NUP210: variants seen among roughly 807,000 people sequenced by gnomAD.
NUP210 encodes nucleoporin 210.
NUP210 carries 151 observed loss-of-function variants against 196.0 expected under a neutral mutation model. The ratio of observed to expected loss-of-function variants is 0.77; its 90% CI spans 0.67 to 0.88. The LOEUF is 0.88. NUP210 is among the 40% of genes least tolerant of loss of function. The pLI is 0.00. For synonymous variants in NUP210, 1,070 were observed against 1,052.7 expected, an observed-to-expected ratio of 1.02 and a Z score of -0.32; for missense variants, 2,314 against 2,493.7, an observed-to-expected ratio of 0.93 and a Z score of 1.53.
At chr3:13,343,344 T>G in intron 20 of NUP210, 41 bp from the exon 21 acceptor site, 1 of 1,565,532 alleles carries the variant, frequency 6.4e-7, no homozygotes, top group Non-Finnish European at 8.8e-7. Flanking sequence ...GGTGGTGGGT[T>G]ACGCAGCTGC....
chr3:13,327,037 A>G (rs576136305), intron 32 of NUP210, among the ~76,000 whole-genome samples, 180 bp downstream of exon 32: 2 of 152,384 alleles, frequency 1.3e-5, no homozygotes, highest in Admixed American at 1.3e-4. Flanking sequence ...TTACTTGCAG[A>G]AAACAGGCAC....
At chr3:13,331,569 C>T (rs1007119126) in intron 29 of NUP210, among the ~76,000 whole-genome samples, 6 of 152,178 alleles carry the variant, frequency 3.9e-5, no homozygotes, top group Non-Finnish European at 7.3e-5. Flanking sequence ...CTACACCTTG[C>T]TTTTTAATAG....
At chr3:13,406,511 CAG>C (rs937210773) in intron 1 of NUP210, among the ~76,000 whole-genome samples, 1 of 152,200 alleles carries the variant, frequency 6.6e-6, no homozygotes. Flanking sequence ...CAAGGACACA[CAG>C]GGGCTCACTA....
intron 29 of NUP210, 143 bp from the exon 30 acceptor site, chr3:13,330,777 G>A (rs565712799): frequency 1.8e-4 from 123 of 696,754 alleles, no homozygotes; most frequent in Non-Finnish European, 2.7e-4. Context: ...CGGACCTCAG[G>A]ACCACGTGCC....
intron 6 of NUP210, among the ~76,000 whole-genome samples, chr3:13,382,042 A>G (rs1033076122): frequency 6.6e-6 from 1 of 152,214 alleles, no homozygotes; most frequent in African/African-American, 2.4e-5. Context: ...AGTTCCTTCT[A>G]CAACTGAGTC....
intron 25 of NUP210, 105 bp downstream of exon 25, chr3:13,339,749 G>A: frequency 9.4e-7 from 1 of 1,062,130 alleles, no homozygotes; most frequent in Non-Finnish European, 1.4e-6. Flanking sequence ...GGGGGCAGAA[G>A]CAGCACCCTT....
rs1697403159 is a variant in NUP210 at position 13,340,086 on chromosome 3, G to A, written c.3292-53C>T. ...CAGTGCCCGTCATGCCAGGCAGCCC[G>A]CACCTCCCACTCAGAGAGCCAGGGC... is the stretch of plus-strand genomic sequence containing the variant. On this transcript the variant is annotated intron_variant, in intron 24 of 39. Coordinates refer to ENST00000254508, the MANE Select transcript of NUP210 (RefSeq NM_024923.4). The surrounding 1 kb of genome is among the most constrained non-coding windows in gnomAD (Gnocchi z 4.0). 1.9e-6 allele frequency: 3 copies of A among 1,603,234 alleles called. No homozygotes were observed. The highest frequency in any genetic ancestry group is 2.2e-5 in the East Asian group (1 of 44,630).
At position 13,319,267 on chromosome 3, in the gene NUP210, G is replaced by A. The variant is rs761020398; in HGVS notation, c.5442C>T (p.Leu1814=). The A allele has an allele frequency of 2.5e-6, 4 of 1,613,412 alleles. No individual in the cohort carries two copies. Among genetic ancestry groups the A allele is most frequent in the South Asian group, 1.1e-5 (1 of 90,844 alleles). The change falls in exon 38 of 40, where the codon CTC becomes CTT. Residue 1814 remains leucine (L), a synonymous_variant. Transcript: ENST00000254508. The part of the protein sequence containing the change: ...LDSYQVMFFT[L]FALLAGTAVM... ...CCGCTGTCCCAGCCAACAGGGCGAA[G>A]AGCGTGAAGAACATGACCTGGTAGG...
intron 22 of NUP210, 27 bp downstream of exon 22, chr3:13,341,969 C>T (rs1309986165): frequency 6.2e-7 from 1 of 1,613,650 alleles, no homozygotes; most frequent in Non-Finnish European, 8.5e-7. Flanking sequence ...TCTGAGGTGC[C>T]CTCCTCTGAC....
chr3:13,320,891 CAAA>C (rs35758403), intron 36 of NUP210, among the ~76,000 whole-genome samples: 4 of 126,962 alleles, frequency 3.2e-5, no homozygotes, highest in African/African-American at 5.9e-5. Context: ...GACTCCATCT[CAAA>C]AAAAAAAAAA....
chr3:13,358,246 C>A lies in NUP210; in HGVS notation c.2304G>T (p.Pro768=). 6.2e-7 allele frequency: 1 copy of A among 1,609,960 alleles called. No individual in the cohort carries two copies. Among genetic ancestry groups the A allele is most frequent in the African/African-American group, 1.3e-5 (1 of 74,934 alleles). Residue 768 remains proline (P), a synonymous_variant, in exon 16 of 40, where the codon CCG becomes CCT. Coordinates refer to ENST00000254508, the MANE Select transcript of NUP210 (RefSeq NM_024923.4). ...CCACCTGCTTGTTCTGCTGCAGCAG[C>A]GGACAGGACATGTCCAGCTGGGGGC... The part of the protein sequence containing the change: ...YTSPQLDMSC[P]LLQQNKQVVP...
chr3:13,415,646 C>T (rs192674233), intron 1 of NUP210, among the ~76,000 whole-genome samples: 50 of 152,286 alleles, frequency 3.3e-4, no homozygotes, highest in Middle Eastern at 3.4e-3. Context: ...GGCCTCCCGT[C>T]GAATTCAACT....
chr3:13,399,019 A>G (rs936947757), intron 2 of NUP210, among the ~76,000 whole-genome samples: 1 of 152,168 alleles, frequency 6.6e-6, no homozygotes, highest in Admixed American at 6.5e-5. Flanking sequence ...CTGTAATCCC[A>G]ACACTTTGGG....
In NUP210 at chr3:13,353,915, C is replaced by A; in HGVS notation, c.2521G>T (p.Gly841Cys). 6.2e-7 allele frequency: 1 copy of A among 1,605,424 alleles called. No individual in the cohort carries two copies. Among genetic ancestry groups the A allele is most frequent in the African/African-American group, 1.3e-5 (1 of 74,974 alleles). The change falls in exon 17 of 40, where the codon GGT (glycine) becomes TGT (cysteine). Residue 841 changes from glycine (G) to cysteine (C), a missense_variant and splice_region_variant. Gly to Cys is a radical substitution (Grantham distance 159). Coordinates refer to ENST00000254508, the MANE Select transcript of NUP210 (RefSeq NM_024923.4). ...DDESGQKKLH[G>C]LQAILVHEAS... Reference sequence around the variant, plus strand: ...GCCATCAGGCTTGTGCCCAGCTCACCGTGCAGCTTCTTTTGGCCACTCTCA... The same window carrying A: ...GCCATCAGGCTTGTGCCCAGCTCACAGTGCAGCTTCTTTTGGCCACTCTCA...
intron 3 of NUP210, among the ~76,000 whole-genome samples, chr3:13,394,326 T>C (rs1222351402): frequency 1.3e-5 from 2 of 152,200 alleles, no homozygotes; most frequent in African/African-American, 4.8e-5. Context: ...GAAATAGCTG[T>C]GAAAACCTCT....
At chr3:13,384,743 G>T (rs1478102583) in intron 6 of NUP210, among the ~76,000 whole-genome samples, 1 of 152,204 alleles carries the variant, frequency 6.6e-6, no homozygotes, top group African/African-American at 2.4e-5. Flanking sequence ...ATATTTCTGA[G>T]ACCTCCTGTT....
intron 1 of NUP210, among the ~76,000 whole-genome samples, chr3:13,402,421 C>T (rs1699871386): frequency 6.6e-6 from 1 of 152,154 alleles, no homozygotes; most frequent in Admixed American, 6.6e-5. Flanking sequence ...GAGATAACCA[C>T]TCTTTTCTTG....
chr3:13,343,343 T>TGGGGGGA, intron 20 of NUP210, 40 bp from the exon 21 acceptor site: 1 of 996,928 alleles, frequency 1.0e-6, no homozygotes, highest in Non-Finnish European at 1.5e-6. Context: ...GGGTGGTGGG[T>TGGGGGGA]TACGCAGCTG....
intron 25 of NUP210, 98 bp downstream of exon 25, chr3:13,339,756 C>A (rs930524197): frequency 1.9e-5 from 22 of 1,146,690 alleles, no homozygotes; most frequent in Admixed American, 3.5e-5. Flanking sequence ...GAAGCAGCAC[C>A]CTTGGAGAGG....
Sources: allele counts gnomAD v4.1 joint callset (sites outside exome capture counted in the v4.1 genomes callset), GRCh38; gene constraint gnomAD v4.1.1; non-coding constraint Gnocchi (gnomAD v3.1); transcripts MANE v1.5; gene names NCBI Gene and HGNC (gene_info 2026-07-23, HGNC 2026-07-21).